Variants in PAK3 observed in about 807,000 individuals in gnomAD.
The protein encoded by PAK3 is serine/threonine-protein kinase PAK 3.
Under a neutral mutation model 41.0 loss-of-function variants are expected in PAK3, and 4 were observed. That is an observed-to-expected ratio of 0.10 (90% confidence interval 0.05 to 0.22). PAK3 has a LOEUF of 0.22. Ranked by LOEUF, PAK3 falls within the 10% of genes least tolerant of loss-of-function variation. The pLI is 1.00. For missense variants in PAK3, 205 were observed against 409.9 expected, an observed-to-expected ratio of 0.50 and a Z score of 4.32; for synonymous variants, 146 against 139.6, an observed-to-expected ratio of 1.05 and a Z score of -0.32.
At chrX:111,001,502 A>G in intron 1 of PAK3, among the ~76,000 whole-genome samples, 1 of 112,393 alleles carries the variant, frequency 8.9e-6, no homozygotes, top group African/African-American at 3.2e-5. Flanking sequence ...GCTGTGTAAA[A>G]TCATGAGAAG....
intron 1 of PAK3, among the ~76,000 whole-genome samples, chrX:111,003,350 T>G (rs1249040051): frequency 9.0e-6 from 1 of 111,623 alleles, no homozygotes; most frequent in Non-Finnish European, 1.9e-5. Flanking sequence ...TGCCAGCTAC[T>G]CGGCTTGGTG....
chrX:110,970,922 G>A (rs750879054), intron 1 of PAK3, among the ~76,000 whole-genome samples: 1 of 111,488 alleles, frequency 9.0e-6, no homozygotes, highest in African/African-American at 3.3e-5. Context: ...TTTCCTTTTG[G>A]ATGTATAAGA....
At chrX:110,992,905 A>G (rs1433358878) in intron 1 of PAK3, among the ~76,000 whole-genome samples, 1 of 111,738 alleles carries the variant, frequency 8.9e-6, no homozygotes, top group African/African-American at 3.3e-5. Flanking sequence ...GATATCTTAT[A>G]TATCCCCCAA....
intron 8 of PAK3, among the ~76,000 whole-genome samples, chrX:111,157,219 A>G (rs1013197412): frequency 2.7e-5 from 3 of 111,863 alleles, no homozygotes; most frequent in African/African-American, 6.5e-5. Context: ...ACAATCACCA[A>G]AAGTGGCCCC....
intron 17 of PAK3, chrX:111,216,835 T>G: frequency 7.0e-6 from 3 of 430,616 alleles, no homozygotes; most frequent in Non-Finnish European, 8.7e-6. Flanking sequence ...GACCCTCTGG[T>G]GTTGGTGTTT....
chrX:111,160,730 C>T (rs1424340037), intron 8 of PAK3, among the ~76,000 whole-genome samples: 40 of 110,329 alleles, frequency 3.6e-4, no homozygotes, highest in African/African-American at 7.0e-4. Context: ...GGTTTTTTGT[C>T]CTTGTGATAG....
At chrX:110,983,641 C>T (rs939205916) in intron 1 of PAK3, among the ~76,000 whole-genome samples, 1 of 110,160 alleles carries the variant, frequency 9.1e-6, no homozygotes, top group Non-Finnish European at 1.9e-5. Flanking sequence ...AGAAAACTGC[C>T]GAGGTGAAGA....
intron 5 of PAK3, among the ~76,000 whole-genome samples, chrX:111,126,046 A>G (rs926067776): frequency 1.8e-5 from 2 of 111,462 alleles, no homozygotes; most frequent in Non-Finnish European, 3.8e-5. Context: ...TCAGGATTCG[A>G]CTTCACTGAC....
chrX:111,076,202 G>A, intron 1 of PAK3, among the ~76,000 whole-genome samples: 1 of 111,444 alleles, frequency 9.0e-6, no homozygotes, highest in East Asian at 2.8e-4. Flanking sequence ...ATTTTGAAAT[G>A]TGAGAAGGAT....
At chrX:111,196,735 C>CAGAAAAGAGCCCA in intron 16 of PAK3, 95 bp downstream of exon 16, 1 of 588,779 alleles carries the variant, frequency 1.7e-6, no homozygotes, top group Non-Finnish European at 2.9e-6. Context: ...AGAATGGGCT[C>CAGAAAAGAGCCCA]TTTTCTGAGA....
chrX:111,090,561 G>A (rs1255308215), intron 1 of PAK3, among the ~76,000 whole-genome samples: 2 of 111,283 alleles, frequency 1.8e-5, no homozygotes, highest in Non-Finnish European at 3.8e-5. Flanking sequence ...TGGGGATGGG[G>A]GCACTTCTGT....
intron 1 of PAK3, among the ~76,000 whole-genome samples, chrX:111,015,362 G>A (rs1420857445): frequency 2.7e-5 from 3 of 111,047 alleles, no homozygotes; most frequent in Non-Finnish European, 5.7e-5. Flanking sequence ...ATGGACACTT[G>A]GGTTGCTTCC....
intron 1 of PAK3, among the ~76,000 whole-genome samples, chrX:110,976,124 C>A (rs1222389881): frequency 1.8e-5 from 2 of 112,286 alleles, no homozygotes; most frequent in East Asian, 5.6e-4. Flanking sequence ...TCTAATTAAA[C>A]TAAAGAGCTT....
intron 1 of PAK3, among the ~76,000 whole-genome samples, chrX:111,081,261 G>A (rs2092832552): frequency 9.0e-6 from 1 of 111,542 alleles, no homozygotes; most frequent in Non-Finnish European, 1.9e-5. Flanking sequence ...GGGAAGCCAA[G>A]TGAGGTGGAT....
intron 1 of PAK3, among the ~76,000 whole-genome samples, chrX:110,972,956 G>A (rs917874235): frequency 4.5e-5 from 5 of 111,607 alleles, no homozygotes; most frequent in African/African-American, 1.6e-4. Context: ...GTGGAAGAAA[G>A]GGTATCAGTG....
chrX:110,959,109 G>C (rs1383843028), intron 1 of PAK3, among the ~76,000 whole-genome samples: 1 of 112,056 alleles, frequency 8.9e-6, no homozygotes, highest in Non-Finnish European at 1.9e-5. Flanking sequence ...GTGCAGTACA[G>C]GCTATGGAGT....
At chrX:111,035,318 C>T (rs1183856437) in intron 1 of PAK3, among the ~76,000 whole-genome samples, 2 of 111,306 alleles carry the variant, frequency 1.8e-5, no homozygotes, top group Admixed American at 9.5e-5. Context: ...AAGGATTCTG[C>T]CTCTTGTTTC....
intron 6 of PAK3, chrX:111,144,867 CT>C: frequency 8.8e-7 from 1 of 1,138,469 alleles, no homozygotes; most frequent in Non-Finnish European, 1.2e-6. Flanking sequence ...CAGAACTCCC[CT>C]TTCCAGACCT....
intron 6 of PAK3, among the ~76,000 whole-genome samples, chrX:111,144,608 T>A (rs1436130008): frequency 1.8e-5 from 2 of 111,218 alleles, no homozygotes; most frequent in East Asian, 5.7e-4. Context: ...GTTGTTGAGG[T>A]TGAATTTTGT....
Sources: allele counts gnomAD v4.1 joint callset (sites outside exome capture counted in the v4.1 genomes callset), GRCh38; gene constraint gnomAD v4.1.1; transcripts MANE v1.5; gene names NCBI Gene and HGNC (gene_info 2026-07-23, HGNC 2026-07-21).